Variants in ZWILCH observed in about 807,000 individuals in gnomAD.
ZWILCH encodes the protein zwilch kinetochore protein.
In ZWILCH, 74 loss-of-function variants were observed where a neutral mutation model predicts 79.9. The ratio of observed to expected loss-of-function variants is 0.93; its 90% CI spans 0.77 to 1.12. ZWILCH has a LOEUF of 1.12. ZWILCH is among the 50% of genes most tolerant of loss of function. The pLI is 0.00. For synonymous variants in ZWILCH, 241 were observed against 228.2 expected, an observed-to-expected ratio of 1.06 and a Z score of -0.51; for missense variants, 694 against 687.5, an observed-to-expected ratio of 1.01 and a Z score of -0.11.
rs1894581499 is a variant in ZWILCH, at chr15:66,523,692, T to C, written c.763T>C (p.Ser255Pro). The C allele has an allele frequency of 6.2e-7, 1 of 1,611,852 alleles. No individual in the cohort carries two copies. The highest frequency in any genetic ancestry group is 8.5e-7 in the Non-Finnish European group (1 of 1,178,546). ...STATLNIKVESGEPRGPLNHL... is the reference protein window; with the variant it reads ...STATLNIKVEPGEPRGPLNHL... ...AACTTTTTAGAATATTAAAGTGGAA[T>C]CAGGAGAGCCCAGAGGTCCTTTGAA... Residue 255 changes from serine to proline, a missense_variant, in exon 8 of 19, where the codon TCA (serine) becomes CCA (proline). Transcript: ENST00000307897.
Position 66,529,565 on chromosome 15 carries a change from C to T in ZWILCH, c.1147C>T (p.Gln383Ter). ...IIQSLQRGDI[Q>*]PWLHSGSNSL... ...CCAGAGTCTACAACGTGGTGATATA[C>T]AGCCATGGGTAGGTTTAGTAGTGTG... The change falls in exon 12 of 19, where the codon CAG becomes TAG. Residue 383 changes from glutamine to a stop codon, truncating the protein, a stop_gained. Transcript: ENST00000307897. LOFTEE classifies it high-confidence loss of function. 1 of 1,612,842 alleles carries T rather than the reference C, an allele frequency of 6.2e-7. No individual in the cohort carries two copies. The highest frequency in any genetic ancestry group is 8.5e-7 in the Non-Finnish European group (1 of 1,178,910).
chr15:66,525,032 G>A (rs1188016422), intron 8 of ZWILCH, among the ~76,000 whole-genome samples: 2 of 150,832 alleles, frequency 1.3e-5, no homozygotes, highest in African/African-American at 2.5e-5. Context: ...TTTCCCACTT[G>A]GGTAGAGTGC....
At chr15:66,525,774 T>G (rs1281850830) in intron 8 of ZWILCH, among the ~76,000 whole-genome samples, 10 of 145,068 alleles carry the variant, frequency 6.9e-5, no homozygotes, top group African/African-American at 2.6e-4. Context: ...TTTTTTTTTT[T>G]TTTTTGAGAC....
chr15:66,548,408 A>G lies in ZWILCH; in HGVS notation c.*84A>G, dbSNP rs1013464403. On this transcript the variant is annotated 3_prime_UTR_variant, in exon 19 of 19. Transcript: ENST00000307897. Reference sequence around the variant, plus strand: ...AATTATTGTAGAACCTGAAAACAGCAATGTATGGAAACCCTCAAAGCAGAA... The same window carrying G: ...AATTATTGTAGAACCTGAAAACAGCGATGTATGGAAACCCTCAAAGCAGAA... 2 of 610,812 alleles carry G rather than the reference A, an allele frequency of 3.3e-6. No homozygotes were observed. The highest frequency in any genetic ancestry group is 5.7e-6 in the Non-Finnish European group (2 of 348,950). 37.8% of individuals were successfully genotyped at this position (610,812 alleles called of 1,614,324 possible). A position where few individuals can be genotyped will look rare whatever the true frequency, so the allele number is the denominator to read the frequency against.
At chr15:66,524,465 G>A (rs113645475) in intron 8 of ZWILCH, 2,272 of 152,128 alleles carry the variant, frequency 0.015, 34 homozygotes, top group South Asian at 0.057. Flanking sequence ...CAAGCTCCTT[G>A]CTTGTAGCTC....
At chr15:66,543,563 C>T (rs921553041) in intron 17 of ZWILCH, among the ~76,000 whole-genome samples, 7 of 152,072 alleles carry the variant, frequency 4.6e-5, no homozygotes, top group African/African-American at 1.7e-4. Flanking sequence ...TCAAGACCAG[C>T]CTGGGTAACA....
Position 66,527,342 on chromosome 15 carries a change from A to C in ZWILCH, c.872A>C (p.Glu291Ala), listed in dbSNP as rs1253787311. ...GTCACTGAATGGCTCGAGCCCCTGG[A>C]AGCAAAATCTGCTGTTGAACTTGTT... The part of the protein sequence containing the change: ...TGVTEWLEPL[E>A]AKSAVELVQE... Residue 291 changes from glutamate to alanine, a missense_variant, in exon 9 of 19, where the codon GAA becomes GCA. Physicochemically the swap from Glu to Ala is moderately radical, Grantham distance 107. Transcript: ENST00000307897. The C allele has an allele frequency of 6.2e-7, 1 of 1,614,080 alleles. No homozygotes were observed. Among genetic ancestry groups the C allele is most frequent in the East Asian group, 2.2e-5 (1 of 44,864 alleles).
chr15:66,518,793 A>G (rs1894381672), intron 4 of ZWILCH, 86 bp from the exon 5 acceptor site: 1 of 1,286,210 alleles, frequency 7.8e-7, no homozygotes, highest in Non-Finnish European at 1.1e-6. Flanking sequence ...CCTGGGCAAC[A>G]GAGTGAGACC....
intron 16 of ZWILCH, among the ~76,000 whole-genome samples, chr15:66,537,613 C>A (rs1333023155): frequency 6.6e-6 from 1 of 151,882 alleles, no homozygotes; most frequent in African/African-American, 2.4e-5. Flanking sequence ...ATCGCTTAAA[C>A]CTGGGAGGCA....
chr15:66,522,206 A>G (rs758574688), intron 7 of ZWILCH, among the ~76,000 whole-genome samples: 1 of 152,172 alleles, frequency 6.6e-6, no homozygotes, highest in Non-Finnish European at 1.5e-5. Context: ...TCAAAAAAAA[A>G]GAAGTCAAAA....
chr15:66,526,172 A>T (rs1242810148), intron 8 of ZWILCH, among the ~76,000 whole-genome samples: 2 of 152,142 alleles, frequency 1.3e-5, no homozygotes, highest in African/African-American at 4.8e-5. Context: ...GATACTTCTG[A>T]TAGAGAAATT....
intron 5 of ZWILCH, among the ~76,000 whole-genome samples, chr15:66,519,517 C>G (rs560686802): frequency 6.6e-6 from 1 of 152,296 alleles, no homozygotes; most frequent in East Asian, 1.9e-4. Flanking sequence ...TGCAGTGGCG[C>G]GATCTCGGCT....
At chr15:66,528,087 G>A (rs1401433160) in intron 10 of ZWILCH, among the ~76,000 whole-genome samples, 175 bp downstream of exon 10, 2 of 152,048 alleles carry the variant, frequency 1.3e-5, no homozygotes, top group African/African-American at 4.8e-5. Context: ...CTTAAGAAAT[G>A]ATAAATATTT....
chr15:66,513,020 C>T (rs940502315), intron 2 of ZWILCH, among the ~76,000 whole-genome samples: 1 of 152,078 alleles, frequency 6.6e-6, no homozygotes, highest in Admixed American at 6.5e-5. Context: ...GTCTTGAACT[C>T]CTAACCTCAA....
At chr15:66,505,419 G>A (rs2140724910) in intron 1 of ZWILCH, 28 bp downstream of exon 1, 1 of 1,613,344 alleles carries the variant, frequency 6.2e-7, no homozygotes, top group East Asian at 2.2e-5. Context: ...TTTTGGCTGG[G>A]GTCCTGGGAC....
rs1242103599 is a variant in ZWILCH at position 66,533,522 on chromosome 15, C to A, written c.1341+509C>A. ...GATCTTTGACGTTCATTGAAAGATCCTTTTGAAAATGAATTTATAGTATCA... is the reference window on the plus strand; with the variant it reads ...GATCTTTGACGTTCATTGAAAGATCATTTTGAAAATGAATTTATAGTATCA... On this transcript the variant is annotated intron_variant, in intron 14 of 18. Transcript: ENST00000307897. Among the ~76,000 whole-genome samples, 6 of 152,136 alleles carry A rather than the reference C, an allele frequency of 3.9e-5. No homozygotes were observed. The East Asian group carries it at 1.2e-3, about 29-fold the overall frequency.
intron 17 of ZWILCH, among the ~76,000 whole-genome samples, chr15:66,541,014 G>A (rs1026332315): frequency 2.0e-5 from 3 of 150,652 alleles, no homozygotes; most frequent in South Asian, 2.1e-4. Context: ...CCGGTGGTTC[G>A]AGCCTGTAAT....
chr15:66,527,497 G>A (rs1894712843), intron 9 of ZWILCH, 114 bp downstream of exon 9: 5 of 847,980 alleles, frequency 5.9e-6, no homozygotes, highest in African/African-American at 1.7e-5. Context: ...TATGAGATCT[G>A]TTATGGTCAG....
rs576939650 is a variant in ZWILCH, at chr15:66,541,696, A to C, written c.1687+1486A>C. On this transcript the variant is annotated intron_variant, in intron 17 of 18. Coordinates refer to ENST00000307897, the MANE Select transcript of ZWILCH (RefSeq NM_017975.5). ...GAAGTACCCTCAAACTCATATCTTC[A>C]TGCACGTGGGTTGTACGGTGCTGTT... 7.9e-5 allele frequency among the ~76,000 whole-genome samples: 12 copies of C among 152,280 alleles called. No homozygotes were observed. In the South Asian group the frequency reaches 2.3e-3, roughly 29 times the overall value.
Sources: allele counts gnomAD v4.1 joint callset (sites outside exome capture counted in the v4.1 genomes callset), GRCh38; gene constraint gnomAD v4.1.1; transcripts MANE v1.5; gene names NCBI Gene and HGNC (gene_info 2026-07-23, HGNC 2026-07-21).